The following VAT1L variants were observed in gnomAD, a reference collection of about 807,000 sequenced individuals.
The protein encoded by VAT1L is vesicle amine transport 1 like, also known as putative NADPH-dependent quinone oxidoreductase VAT1L.
In VAT1L, 34 loss-of-function variants were observed where a neutral mutation model predicts 44.1. The observed-to-expected ratio is 0.77, with a 90% CI of 0.59 to 1.03. The LOEUF is 1.03. VAT1L is among the 50% of genes least tolerant of loss of function. The pLI is 0.00. For synonymous variants in VAT1L, 253 were observed against 202.2 expected, an observed-to-expected ratio of 1.25 and a Z score of -2.13; for missense variants, 615 against 538.8, an observed-to-expected ratio of 1.14 and a Z score of -1.40.
chr16:77,927,065 G>A (rs562850401), intron 7 of VAT1L, among the ~76,000 whole-genome samples: 20 of 152,228 alleles, frequency 1.3e-4, no homozygotes, highest in East Asian at 3.9e-4. Context: ...ATGGCCCGGC[G>A]CGGTGGCTCA....
chr16:77,964,779 CTTTTTTTTTTTTTTTT>C (rs10566511), intron 7 of VAT1L, among the ~76,000 whole-genome samples: 21 of 91,886 alleles, frequency 2.3e-4, no homozygotes, highest in African/African-American at 1.1e-3. Flanking sequence ...CTTTGTAGCA[CTTTTTTTTTTTTTTTT>C]TTTTTTTTTT....
intron 7 of VAT1L, among the ~76,000 whole-genome samples, chr16:77,957,676 G>C (rs571143073): frequency 6.6e-6 from 1 of 151,744 alleles, no homozygotes; most frequent in Non-Finnish European, 1.5e-5. Context: ...AGTGAGCTGA[G>C]ATCGGGCCAC....
chr16:77,976,785 C>T (rs1208460680), intron 8 of VAT1L, among the ~76,000 whole-genome samples: 3 of 152,102 alleles, frequency 2.0e-5, no homozygotes, highest in Non-Finnish European at 2.9e-5. Context: ...GTAATGATGG[C>T]GGAAATGAAG....
rs746859156 is a variant in VAT1L, at chr16:77,788,948, T to C, written c.233+33T>C. 2.1e-6 allele frequency: 3 copies of C among 1,444,316 alleles called. No homozygotes were observed. The South Asian group carries it at 4.3e-5, about 21-fold the overall frequency. The allele number at this position is 1,444,316 out of a possible 1,614,324, so 89.5% of individuals were successfully genotyped here. A position where few individuals can be genotyped will look rare whatever the true frequency, so the allele number is the denominator to read the frequency against. On this transcript the variant is annotated intron_variant, in intron 1 of 8. Coordinates refer to ENST00000302536, the MANE Select transcript of VAT1L (RefSeq NM_020927.3). ...ATCCGCGCCTTTCTCGCTTTCTCTC[T>C]TTTTGCGCGCTGGGCGCTGGGGAGG...
chr16:77,901,264 T>C (rs1432224779), intron 7 of VAT1L, among the ~76,000 whole-genome samples: 1 of 148,368 alleles, frequency 6.7e-6, no homozygotes, highest in Non-Finnish European at 1.5e-5. Context: ...CCTGGGTTCA[T>C]GCCATTCTCC....
intron 3 of VAT1L, among the ~76,000 whole-genome samples, chr16:77,829,566 A>G (rs551572776): frequency 3.7e-4 from 57 of 152,306 alleles, no homozygotes; most frequent in South Asian, 1.0e-3. Flanking sequence ...TTTTCCTCTG[A>G]CAATAGCATG....
intron 1 of VAT1L, among the ~76,000 whole-genome samples, chr16:77,797,282 T>C (rs2015954961): frequency 6.6e-6 from 1 of 152,066 alleles, no homozygotes. Context: ...CGGCTAATTT[T>C]TGTATTTTTA....
chr16:77,866,768 G>A (rs752714737), intron 4 of VAT1L, among the ~76,000 whole-genome samples: 6 of 152,088 alleles, frequency 3.9e-5, no homozygotes, highest in Admixed American at 6.6e-5. Flanking sequence ...CTTTACATCC[G>A]TTACTTTCTC....
At chr16:77,910,416 T>C (rs958006091) in intron 7 of VAT1L, among the ~76,000 whole-genome samples, 1 of 152,220 alleles carries the variant, frequency 6.6e-6, no homozygotes, top group South Asian at 2.1e-4. Flanking sequence ...CTCATGCCTG[T>C]AATCCCAGCA....
intron 7 of VAT1L, among the ~76,000 whole-genome samples, chr16:77,957,246 G>C (rs540354657): frequency 5.8e-4 from 88 of 152,118 alleles, no homozygotes; most frequent in Admixed American, 1.9e-3. Flanking sequence ...GACAATTCCG[G>C]GTGAAAACCT....
chr16:77,887,103 C>CA (rs2017217076), intron 7 of VAT1L, among the ~76,000 whole-genome samples: 1 of 152,086 alleles, frequency 6.6e-6, no homozygotes, highest in East Asian at 1.9e-4. Flanking sequence ...GGAGCTGGAA[C>CA]ATGAAAGAGG....
Position 77,950,865 on chromosome 16 carries a change from G to A in VAT1L, c.1078-20985G>A, listed in dbSNP as rs921589456. Among the ~76,000 whole-genome samples, 41 of 152,192 alleles carry A rather than the reference G, an allele frequency of 2.7e-4. No individual in the cohort carries two copies. In the East Asian group the frequency reaches 4.6e-3, roughly 17 times the overall value. ...TTTCCTATACAAACTGTTTATCACTGGTAATCAAATAATGGATGAAGGGAA... is the reference window on the plus strand; with the variant it reads ...TTTCCTATACAAACTGTTTATCACTAGTAATCAAATAATGGATGAAGGGAA... On this transcript the variant is annotated intron_variant, in intron 7 of 8. Transcript: ENST00000302536.
chr16:77,842,390 C>T (rs1290628375), intron 3 of VAT1L, among the ~76,000 whole-genome samples: 1 of 152,198 alleles, frequency 6.6e-6, no homozygotes, highest in Non-Finnish European at 1.5e-5. Context: ...AGAGGGCTCC[C>T]AGTTCCCTGG....
At chr16:77,964,054 T>C (rs2018193645) in intron 7 of VAT1L, among the ~76,000 whole-genome samples, 1 of 152,010 alleles carries the variant, frequency 6.6e-6, no homozygotes, top group African/African-American at 2.4e-5. Context: ...TGCCCTTGTA[T>C]TTTTCTCCAC....
At chr16:77,799,535 G>A (rs916912262) in intron 1 of VAT1L, among the ~76,000 whole-genome samples, 2 of 150,886 alleles carry the variant, frequency 1.3e-5, no homozygotes, top group Non-Finnish European at 3.0e-5. Flanking sequence ...GTGTGTGTGT[G>A]TGTGTGTGTG....
intron 1 of VAT1L, among the ~76,000 whole-genome samples, chr16:77,815,497 G>A (rs1332021347): frequency 6.6e-6 from 1 of 152,122 alleles, no homozygotes; most frequent in Non-Finnish European, 1.5e-5. Flanking sequence ...TTTGTGGTTG[G>A]GAAAACTTTG....
At chr16:77,938,209 G>T (rs1337176988) in intron 7 of VAT1L, among the ~76,000 whole-genome samples, 1 of 152,160 alleles carries the variant, frequency 6.6e-6, no homozygotes, top group Non-Finnish European at 1.5e-5. Flanking sequence ...CTAATGCACA[G>T]ATGAACTGGA....
rs544347139 is a variant in VAT1L, at chr16:77,807,143, A to G, written c.234-9778A>G. On this transcript the variant is annotated intron_variant, in intron 1 of 8. Transcript: ENST00000302536. Reference sequence around the variant, plus strand: ...AGGAGCCTCATAAAAATTCACCATCAGTGACAGCTGCTCTGTGACCACAGG... The same window carrying G: ...AGGAGCCTCATAAAAATTCACCATCGGTGACAGCTGCTCTGTGACCACAGG... Among the ~76,000 whole-genome samples the G allele has an allele frequency of 1.9e-4, 29 of 152,316 alleles. 1 individual carries two copies. The highest frequency in any genetic ancestry group is 9.1e-4 in the Admixed American group (14 of 15,302).
At chr16:77,975,194 CTTTTTTTTTTTTTTTTTTT>C (rs35017686) in intron 8 of VAT1L, among the ~76,000 whole-genome samples, 9 of 39,860 alleles carry the variant, frequency 2.3e-4, no homozygotes, top group African/African-American at 8.5e-4. Flanking sequence ...GGAATGACCA[CTTTTTTTTTTTTTTTTTTT>C]TTTTTTTTTT....
Sources: gnomAD v4.1 joint callset for allele counts (sites outside exome capture counted in the v4.1 genomes callset) on GRCh38, gnomAD v4.1.1 for gene constraint, MANE v1.5 for transcripts, NCBI Gene and HGNC (gene_info 2026-07-23, HGNC 2026-07-21) for gene names.